Variants in LRMDA observed in about 807,000 individuals in gnomAD.
LRMDA encodes the protein leucine-rich melanocyte differentiation-associated protein.
In LRMDA, 18 loss-of-function variants were observed where a neutral mutation model predicts 29.8. That is an observed-to-expected ratio of 0.60 (90% CI 0.42 to 0.90). The LOEUF (loss-of-function observed/expected upper bound fraction) is 0.90, where lower values mean the gene tolerates loss of function less well. Ranked by LOEUF, LRMDA falls within the 40% of genes least tolerant of loss-of-function variation. The pLI is 0.00. For synonymous variants in LRMDA, 125 were observed against 109.4 expected (o/e 1.14, Z -0.89); for missense variants, 273 against 273.9 (o/e 1.00, Z 0.02).
In LRMDA at chr10:75,641,611, T is replaced by C. The variant is rs149789133; in HGVS notation, c.131+203117T>C. On this transcript the variant is annotated intron_variant, in intron 2 of 6. Transcript: ENST00000611255. ...CTCCTGAGGCTATATTTAAAAAAAATTTTTTTTTTGTGGAGACGGGGTTTT... is the reference window on the plus strand; with the variant it reads ...CTCCTGAGGCTATATTTAAAAAAAACTTTTTTTTTGTGGAGACGGGGTTTT... Among the ~76,000 whole-genome samples the C allele has an allele frequency of 1.9e-3, 279 of 150,484 alleles. 2 individuals are homozygous for C. Among genetic ancestry groups the C allele is most frequent in the Middle Eastern group, 6.8e-3 (2 of 294 alleles).
At chr10:76,006,273 G>A (rs1404294738) in intron 2 of LRMDA, among the ~76,000 whole-genome samples, 1 of 152,164 alleles carries the variant, frequency 6.6e-6, no homozygotes, top group Non-Finnish European at 1.5e-5. Context: ...CGGCGGCTGA[G>A]GGTGTTCAGA....
intron 2 of LRMDA, among the ~76,000 whole-genome samples, chr10:75,571,353 G>A (rs942225321): frequency 6.6e-6 from 1 of 152,146 alleles, no homozygotes; most frequent in Non-Finnish European, 1.5e-5. Context: ...AGAACACATT[G>A]TGTGGATTAA....
At chr10:76,091,309 GTGTGTGTGTC>G (rs869174892) in intron 5 of LRMDA, among the ~76,000 whole-genome samples, 3 of 149,000 alleles carry the variant, frequency 2.0e-5, no homozygotes, top group South Asian at 4.2e-4. Context: ...GTGTGTGTGT[GTGTGTGTGTC>G]TGTGTGTAAA....
chr10:76,192,430 C>T (rs542906087), intron 5 of LRMDA, among the ~76,000 whole-genome samples: 4 of 152,226 alleles, frequency 2.6e-5, no homozygotes, highest in African/African-American at 4.8e-5. Flanking sequence ...AAAAGGCCTG[C>T]GACTAGTCAA....
intron 2 of LRMDA, among the ~76,000 whole-genome samples, chr10:75,964,185 G>C (rs949109253): frequency 2.0e-5 from 3 of 152,090 alleles, no homozygotes; most frequent in South Asian, 2.1e-4. Flanking sequence ...GTTTAACATG[G>C]ATTAAAATGA....
At chr10:76,261,308 G>T (rs576319042) in intron 5 of LRMDA, among the ~76,000 whole-genome samples, 2 of 151,606 alleles carry the variant, frequency 1.3e-5, no homozygotes, top group East Asian at 1.9e-4. Context: ...TCCTGACCTC[G>T]TGATCTGCCT....
At chr10:75,836,956 C>T (rs1470956914) in intron 2 of LRMDA, among the ~76,000 whole-genome samples, 3 of 152,042 alleles carry the variant, frequency 2.0e-5, no homozygotes, top group Non-Finnish European at 4.4e-5. Context: ...GAGAGGAGGG[C>T]TTAATATGTG....
chr10:76,070,007 G>C (rs1441294739), intron 5 of LRMDA, among the ~76,000 whole-genome samples: 1 of 152,138 alleles, frequency 6.6e-6, no homozygotes, highest in Non-Finnish European at 1.5e-5. Flanking sequence ...GTTTAGGTTT[G>C]GATTAAAGGC....
chr10:76,104,935 A>G (rs1372376410), intron 5 of LRMDA, among the ~76,000 whole-genome samples: 1 of 152,128 alleles, frequency 6.6e-6, no homozygotes, highest in Non-Finnish European at 1.5e-5. Context: ...GTACAAAGCA[A>G]GCTCCTGCTC....
intron 5 of LRMDA, among the ~76,000 whole-genome samples, chr10:76,246,520 G>A (rs1456810245): frequency 1.3e-5 from 2 of 148,992 alleles, no homozygotes; most frequent in Non-Finnish European, 3.0e-5. Context: ...CTTCCCTGGG[G>A]CAAGCAAGTG....
At chr10:76,188,886 G>C (rs1332853791) in intron 5 of LRMDA, among the ~76,000 whole-genome samples, 1 of 150,820 alleles carries the variant, frequency 6.6e-6, no homozygotes, top group Admixed American at 6.6e-5. Context: ...CATACCCTTT[G>C]TTTCTCAGTC....
intron 5 of LRMDA, among the ~76,000 whole-genome samples, chr10:76,220,676 G>A (rs1300532828): frequency 2.6e-5 from 4 of 152,162 alleles, no homozygotes; most frequent in Admixed American, 6.5e-5. Context: ...ATTCATAGCC[G>A]AATTCTACCA....
At chr10:76,164,295 T>G (rs12573800) in intron 5 of LRMDA, among the ~76,000 whole-genome samples, 29,689 of 152,068 alleles carry the variant, frequency 0.2, 3,341 homozygotes, top group East Asian at 0.52. Flanking sequence ...TGAGAATTTT[T>G]TAGATTTACT....
intron 2 of LRMDA, among the ~76,000 whole-genome samples, chr10:76,000,345 T>A (rs1847540836): frequency 6.6e-6 from 1 of 152,146 alleles, no homozygotes; most frequent in Non-Finnish European, 1.5e-5. Flanking sequence ...TACTGCGGTG[T>A]CTCCTGGGAG....
intron 6 of LRMDA, among the ~76,000 whole-genome samples, chr10:76,507,640 A>T (rs556763674): frequency 1.3e-5 from 2 of 152,024 alleles, no homozygotes; most frequent in Non-Finnish European, 2.9e-5. Flanking sequence ...TCTTATATTA[A>T]GTTTTTAATC....
intron 5 of LRMDA, among the ~76,000 whole-genome samples, chr10:76,314,409 A>G (rs936268908): frequency 2.0e-5 from 3 of 152,086 alleles, no homozygotes; most frequent in Admixed American, 6.6e-5. Flanking sequence ...CAACATTAAC[A>G]TTTTCTCCAT....
At chr10:76,174,642 A>G (rs892794028) in intron 5 of LRMDA, among the ~76,000 whole-genome samples, 5 of 152,170 alleles carry the variant, frequency 3.3e-5, no homozygotes, top group African/African-American at 9.7e-5. Flanking sequence ...GAAGGTCCCT[A>G]TTCATATGGC....
chr10:76,073,032 C>G (rs1210495699), intron 5 of LRMDA, among the ~76,000 whole-genome samples: 1 of 152,134 alleles, frequency 6.6e-6, no homozygotes, highest in East Asian at 1.9e-4. Flanking sequence ...TCTTACCACC[C>G]CCCACAAACC....
chr10:76,333,887 A>T (rs1239898314), intron 6 of LRMDA, among the ~76,000 whole-genome samples: 1 of 152,208 alleles, frequency 6.6e-6, no homozygotes, highest in African/African-American at 2.4e-5. Context: ...AGGACCAGAA[A>T]GCTATAAGGA....
Sources: allele counts gnomAD v4.1 joint callset (sites outside exome capture counted in the v4.1 genomes callset), GRCh38; gene constraint gnomAD v4.1.1; transcripts MANE v1.5; gene names NCBI Gene and HGNC (gene_info 2026-07-23, HGNC 2026-07-21).